Variants in LRRIQ3 observed in about 807,000 individuals in gnomAD.
LRRIQ3 encodes leucine-rich repeat and IQ domain-containing protein 3.
A neutral mutation model predicts 59.3 loss-of-function variants in LRRIQ3; 75 were observed. That is an observed-to-expected ratio of 1.26 (90% CI 1.05 to 1.53). The LOEUF (loss-of-function observed/expected upper bound fraction) is 1.53. Among genes scored for constraint, LRRIQ3 ranks in the 40% most tolerant of loss-of-function variants. The probability of loss-of-function intolerance (pLI) is 0.00; values close to 1 mark genes in which losing one functional copy is unlikely to be tolerated. For synonymous variants in LRRIQ3, 250 were observed against 231.3 expected (o/e 1.08, Z -0.73); for missense variants, 831 against 710.0 (o/e 1.17, Z -1.94).
chr1:74,049,925 C>CTTTTTTTTTTT (rs1343000738), intron 6 of LRRIQ3, among the ~76,000 whole-genome samples: 3 of 102,794 alleles, frequency 2.9e-5, no homozygotes, highest in Non-Finnish European at 4.3e-5. Context: ...TCTTTTTTTT[C>CTTTTTTTTTTT]TTTTTTTTTT....
intron 7 of LRRIQ3, among the ~76,000 whole-genome samples, chr1:74,034,252 T>G (rs559168699): frequency 6.6e-6 from 1 of 152,146 alleles, no homozygotes; most frequent in South Asian, 2.1e-4. Flanking sequence ...TTTCACTTTT[T>G]GATCACATCT....
intron 4 of LRRIQ3, among the ~76,000 whole-genome samples, chr1:74,133,018 GA>G (rs1416570188): frequency 1.3e-5 from 2 of 151,886 alleles, no homozygotes; most frequent in Non-Finnish European, 2.9e-5. Context: ...AAATTTACAA[GA>G]AAAAAACAAA....
intron 3 of LRRIQ3, among the ~76,000 whole-genome samples, chr1:74,177,613 T>A (rs1168723047): frequency 6.6e-6 from 1 of 152,080 alleles, no homozygotes; most frequent in African/African-American, 2.4e-5. Context: ...GTTTTGTGTA[T>A]AATTTTTAAG....
At chr1:74,099,134 A>T (rs1002045908) in intron 5 of LRRIQ3, among the ~76,000 whole-genome samples, 1 of 152,128 alleles carries the variant, frequency 6.6e-6, no homozygotes, top group Non-Finnish European at 1.5e-5. Context: ...TTTTGAAAAG[A>T]TCAATAAAAT....
chr1:74,029,929 G>A (rs776442904), intron 7 of LRRIQ3, among the ~76,000 whole-genome samples: 51 of 151,982 alleles, frequency 3.4e-4, no homozygotes, highest in Admixed American at 5.9e-4. Context: ...AGTCTTGGGA[G>A]GGTGTATGTG....
At chr1:74,154,188 C>A (rs542539283) in intron 4 of LRRIQ3, among the ~76,000 whole-genome samples, 1 of 129,228 alleles carries the variant, frequency 7.7e-6, no homozygotes, top group East Asian at 2.3e-4. Context: ...TTGCAGCGAG[C>A]CGAGATCGCG....
intron 5 of LRRIQ3, among the ~76,000 whole-genome samples, chr1:74,106,219 A>G (rs1646610310): frequency 6.6e-6 from 1 of 152,072 alleles, no homozygotes; most frequent in South Asian, 2.1e-4. Context: ...AATTCACAAC[A>G]TATAGACTGA....
chr1:74,068,114 T>C (rs1654918876), intron 6 of LRRIQ3, among the ~76,000 whole-genome samples: 1 of 152,170 alleles, frequency 6.6e-6, no homozygotes, highest in African/African-American at 2.4e-5. Context: ...ACTGCCATCA[T>C]TTCAGCCCCT....
At chr1:74,071,665 G>A (rs2100471030) in intron 6 of LRRIQ3, among the ~76,000 whole-genome samples, 1 of 152,152 alleles carries the variant, frequency 6.6e-6, no homozygotes, top group South Asian at 2.1e-4. Context: ...AATTTGATAA[G>A]CCAATCATGT....
intron 4 of LRRIQ3, among the ~76,000 whole-genome samples, chr1:74,114,870 TAA>T (rs1022297953): frequency 2.6e-5 from 4 of 151,796 alleles, no homozygotes; most frequent in East Asian, 1.9e-4. Flanking sequence ...AAAAAAGATA[TAA>T]GACATATCTG....
intron 4 of LRRIQ3, among the ~76,000 whole-genome samples, chr1:74,136,235 A>C (rs1647121987): frequency 6.6e-6 from 1 of 152,022 alleles, no homozygotes. Context: ...TTGAATTCAC[A>C]ATTTAAAATG....
chr1:74,045,271 G>C (rs1654166167), intron 6 of LRRIQ3, among the ~76,000 whole-genome samples: 1 of 152,122 alleles, frequency 6.6e-6, no homozygotes, highest in South Asian at 2.1e-4. Context: ...CCACTATCAA[G>C]TCAGCTTCAT....
chr1:74,078,871 AT>A (rs1279904780), intron 5 of LRRIQ3, among the ~76,000 whole-genome samples: 1 of 151,894 alleles, frequency 6.6e-6, no homozygotes, highest in Non-Finnish European at 1.5e-5. Context: ...ATTTTGAAAA[AT>A]AATGCAGAAA....
At chr1:74,141,996 C>T (rs1033623330) in intron 4 of LRRIQ3, among the ~76,000 whole-genome samples, 5 of 151,644 alleles carry the variant, frequency 3.3e-5, no homozygotes, top group African/African-American at 1.2e-4. Context: ...CACACACACA[C>T]ACACACACAC....
At chr1:74,178,599 C>G (rs1649787296) in intron 3 of LRRIQ3, among the ~76,000 whole-genome samples, 1 of 152,088 alleles carries the variant, frequency 6.6e-6, no homozygotes, top group Non-Finnish European at 1.5e-5. Flanking sequence ...ACTGCATTAT[C>G]AATTTGTTTT....
chr1:74,181,084 G>A, intron 3 of LRRIQ3: 2 of 355,992 alleles, frequency 5.6e-6, no homozygotes, highest in South Asian at 3.4e-5. Context: ...TCATATATTA[G>A]GTACTCAGTA....
chr1:74,059,135 C>T (rs553368754), intron 6 of LRRIQ3, among the ~76,000 whole-genome samples: 2 of 152,000 alleles, frequency 1.3e-5, no homozygotes, highest in South Asian at 4.1e-4. Context: ...TTTTATCTTA[C>T]TCAGCGAGTG....
chr1:74,084,159 G>A, intron 5 of LRRIQ3: 1 of 1,544,874 alleles, frequency 6.5e-7, no homozygotes, highest in Non-Finnish European at 8.7e-7. Flanking sequence ...ACTGATGAGA[G>A]ATGAATACAC....
At chr1:74,052,156 C>T (rs1654390350) in intron 6 of LRRIQ3, among the ~76,000 whole-genome samples, 1 of 151,970 alleles carries the variant, frequency 6.6e-6, no homozygotes, top group African/African-American at 2.4e-5. Flanking sequence ...TATCTTAGGC[C>T]CAAATATGTG....
Sources: gnomAD v4.1 joint callset for allele counts (sites outside exome capture counted in the v4.1 genomes callset) on GRCh38, gnomAD v4.1.1 for gene constraint, MANE v1.5 for transcripts, NCBI Gene and HGNC (gene_info 2026-07-23, HGNC 2026-07-21) for gene names.